GMDS: variants seen among roughly 807,000 people sequenced by gnomAD.
GMDS encodes GDP-mannose 4,6-dehydratase.
A neutral mutation model predicts 49.9 loss-of-function variants in GMDS; 20 were observed. That is an observed-to-expected ratio of 0.40 (90% CI 0.28 to 0.58). The LOEUF (loss-of-function observed/expected upper bound fraction) is 0.58. Among genes scored for constraint, GMDS ranks in the 20% least tolerant of loss-of-function variants. The probability of loss-of-function intolerance (pLI) is 0.42; values close to 1 mark genes in which losing one functional copy is unlikely to be tolerated. For synonymous variants in GMDS, 177 were observed against 178.6 expected, an observed-to-expected ratio of 0.99 and a Z score of 0.07; for missense variants, 362 against 481.4, an observed-to-expected ratio of 0.75 and a Z score of 2.32.
At chr6:2,065,317 C>G (rs551267439) in intron 4 of GMDS, among the ~76,000 whole-genome samples, 1 of 152,060 alleles carries the variant, frequency 6.6e-6, no homozygotes, top group Non-Finnish European at 1.5e-5. Flanking sequence ...ACCACAAAGA[C>G]GGGGAAAAAA....
chr6:2,229,072 T>C (rs1780955584), intron 1 of GMDS, among the ~76,000 whole-genome samples: 1 of 152,132 alleles, frequency 6.6e-6, no homozygotes, highest in Non-Finnish European at 1.5e-5. Flanking sequence ...GGCTCCACTT[T>C]TCCCCAGGGC....
chr6:1,780,491 T>C (rs1769034053), intron 7 of GMDS, among the ~76,000 whole-genome samples: 1 of 152,224 alleles, frequency 6.6e-6, no homozygotes, highest in African/African-American at 2.4e-5. Context: ...GAGGACGGCA[T>C]GGCAGGGCCT....
At chr6:1,631,589 T>C (rs188903165) in intron 9 of GMDS, among the ~76,000 whole-genome samples, 9 of 152,102 alleles carry the variant, frequency 5.9e-5, no homozygotes, top group African/African-American at 1.9e-4. Flanking sequence ...TCTCAATGTA[T>C]ACAGTATATT....
chr6:1,800,104 T>A (rs1007801260), intron 7 of GMDS, among the ~76,000 whole-genome samples: 1 of 152,220 alleles, frequency 6.6e-6, no homozygotes, highest in South Asian at 2.1e-4. Context: ...TGACTAGGGC[T>A]GCTTGATGAT....
intron 1 of GMDS, among the ~76,000 whole-genome samples, chr6:2,175,166 T>G (rs1778212708): frequency 6.6e-6 from 1 of 152,086 alleles, no homozygotes; most frequent in African/African-American, 2.4e-5. Context: ...AATCACATTT[T>G]TGCTTCTTGA....
intron 8 of GMDS, among the ~76,000 whole-genome samples, chr6:1,737,660 CCA>C (rs148967304): frequency 0.08 from 11,833 of 148,234 alleles, 630 homozygotes; most frequent in Non-Finnish European, 0.11. Context: ...CATACACACA[CCA>C]CACACACAGA....
chr6:1,870,299 A>C (rs2113801486), intron 7 of GMDS, among the ~76,000 whole-genome samples: 1 of 152,314 alleles, frequency 6.6e-6, no homozygotes, highest in African/African-American at 2.4e-5. Flanking sequence ...GTAAGAAACT[A>C]GGAGATCCAT....
At chr6:1,967,239 T>C (rs1268948517) in intron 4 of GMDS, among the ~76,000 whole-genome samples, 5 of 152,226 alleles carry the variant, frequency 3.3e-5, no homozygotes, top group African/African-American at 1.2e-4. Flanking sequence ...TACTTATTTA[T>C]GATCTATCTC....
At chr6:1,909,274 G>A (rs111497538) in intron 7 of GMDS, among the ~76,000 whole-genome samples, 1,766 of 152,282 alleles carry the variant, frequency 0.012, 40 homozygotes, top group African/African-American at 0.04. Flanking sequence ...GTCTGAAGCC[G>A]AGGCACTTGA....
At chr6:2,036,646 T>C (rs1769323175) in intron 4 of GMDS, among the ~76,000 whole-genome samples, 1 of 152,198 alleles carries the variant, frequency 6.6e-6, no homozygotes, top group African/African-American at 2.4e-5. Context: ...TAAGACCATA[T>C]ATGCTGATTA....
intron 4 of GMDS, among the ~76,000 whole-genome samples, chr6:2,035,854 T>C (rs1317596437): frequency 6.6e-6 from 1 of 152,010 alleles, no homozygotes; most frequent in Non-Finnish European, 1.5e-5. Flanking sequence ...GCCCGGCTAA[T>C]TTTTATATTT....
chr6:1,865,770 TA>T (rs1386509795), intron 7 of GMDS, among the ~76,000 whole-genome samples: 1 of 152,172 alleles, frequency 6.6e-6, no homozygotes, highest in East Asian at 1.9e-4. Flanking sequence ...GGGCTCCTGT[TA>T]ACAGAGCCCT....
At chr6:1,732,432 C>A (rs1475651934) in intron 8 of GMDS, among the ~76,000 whole-genome samples, 1 of 152,082 alleles carries the variant, frequency 6.6e-6, no homozygotes, top group African/African-American at 2.4e-5. Flanking sequence ...GACTTGACTC[C>A]AAAATTAAAA....
chr6:1,997,126 A>C (rs947935867), intron 4 of GMDS, among the ~76,000 whole-genome samples: 5 of 151,946 alleles, frequency 3.3e-5, no homozygotes, highest in African/African-American at 1.2e-4. Flanking sequence ...TAAAGAGGGA[A>C]GGTGCTGGCA....
In GMDS at chr6:2,094,023, A is replaced by C. The variant is rs1466210430; in HGVS notation, c.345+21748T>G. ...TCTTCATGACATCCAGTTATTCATG[A>C]CTGGATAATGAAATGTGGGCCTTTG... On this transcript the variant is annotated intron_variant, in intron 4 of 10. Transcript: ENST00000380815. 6.6e-5 allele frequency among the ~76,000 whole-genome samples: 10 copies of C among 152,316 alleles called. No homozygotes were observed. The East Asian group carries it at 1.9e-3, about 29-fold the overall frequency.
chr6:2,018,307 A>C (rs928917793), intron 4 of GMDS, among the ~76,000 whole-genome samples: 6 of 152,294 alleles, frequency 3.9e-5, no homozygotes, highest in Middle Eastern at 3.4e-3. Flanking sequence ...GAGTTATGTC[A>C]AGTTCTAGAC....
chr6:1,707,859 G>A (rs958401384), intron 9 of GMDS, among the ~76,000 whole-genome samples: 1 of 152,204 alleles, frequency 6.6e-6, no homozygotes, highest in Non-Finnish European at 1.5e-5. Context: ...GCATGTTATT[G>A]GGAAAATAGG....
At chr6:1,790,419 G>A (rs1213018354) in intron 7 of GMDS, among the ~76,000 whole-genome samples, 1 of 152,162 alleles carries the variant, frequency 6.6e-6, no homozygotes, top group Admixed American at 6.5e-5. Context: ...AATGTAGAGA[G>A]GCTGAGTAAC....
intron 7 of GMDS, among the ~76,000 whole-genome samples, chr6:1,892,513 C>T (rs1332205482): frequency 6.6e-6 from 1 of 152,114 alleles, no homozygotes; most frequent in Non-Finnish European, 1.5e-5. Context: ...TGCACACCAC[C>T]ATGCCTGGCT....
Sources: gnomAD v4.1 joint callset for allele counts (sites outside exome capture counted in the v4.1 genomes callset) on GRCh38, gnomAD v4.1.1 for gene constraint, MANE v1.5 for transcripts, NCBI Gene and HGNC (gene_info 2026-07-23, HGNC 2026-07-21) for gene names.